Variants in RAPGEF2 observed in about 807,000 individuals in gnomAD.
RAPGEF2 encodes the protein PDZ domain containing guanine nucleotide exchange factor (GEF) 1.
Under a neutral mutation model 186.7 loss-of-function variants are expected in RAPGEF2, and 54 were observed. That is an observed-to-expected ratio of 0.29 (90% CI 0.23 to 0.36). The LOEUF (loss-of-function observed/expected upper bound fraction) is 0.36, where lower values mean the gene tolerates loss of function less well. RAPGEF2 is among the 10% of genes least tolerant of loss of function. RAPGEF2 has a pLI of 1.00. For missense variants in RAPGEF2, 1,532 were observed against 2,045.0 expected, an observed-to-expected ratio of 0.75 and a Z score of 4.84; for synonymous variants, 712 against 705.9, an observed-to-expected ratio of 1.01 and a Z score of -0.14.
chr4:159,312,766 C>T (rs546522376), intron 8 of RAPGEF2, among the ~76,000 whole-genome samples: 5 of 152,284 alleles, frequency 3.3e-5, no homozygotes, highest in Non-Finnish European at 5.9e-5. Context: ...ATTGTTAACA[C>T]ATGCTTGTAT....
At chr4:159,187,239 T>G (rs538452673) in intron 2 of RAPGEF2, among the ~76,000 whole-genome samples, 1 of 152,326 alleles carries the variant, frequency 6.6e-6, no homozygotes, top group South Asian at 2.1e-4. Context: ...TTGACATTTC[T>G]GTCATAGTTA....
intron 1 of RAPGEF2, among the ~76,000 whole-genome samples, chr4:159,136,178 G>C (rs1240731494): frequency 1.3e-5 from 2 of 152,204 alleles, no homozygotes; most frequent in Non-Finnish European, 2.9e-5. Context: ...TTTTCCTTGA[G>C]TTGTGAGAGT....
chr4:159,119,725 GT>G, intron 1 of RAPGEF2, among the ~76,000 whole-genome samples: 1 of 152,102 alleles, frequency 6.6e-6, no homozygotes, highest in East Asian at 1.9e-4. Flanking sequence ...ATACTAGTGG[GT>G]GAGCATTACG....
intron 1 of RAPGEF2, among the ~76,000 whole-genome samples, chr4:159,139,448 A>G (rs530481255): frequency 6.6e-6 from 1 of 152,206 alleles, no homozygotes; most frequent in Non-Finnish European, 1.5e-5. Context: ...CATCCTATAT[A>G]ATGTAAGACA....
chr4:159,210,433 A>G (rs1750409035), intron 3 of RAPGEF2, 67 bp from the exon 4 acceptor site: 11 of 1,055,666 alleles, frequency 1.0e-5, no homozygotes, highest in Middle Eastern at 2.0e-4. Context: ...ACTTTGTGCT[A>G]TATGTTTTAA....
At chr4:159,316,928 T>C (rs1764675850) in intron 9 of RAPGEF2, among the ~76,000 whole-genome samples, 1 of 152,200 alleles carries the variant, frequency 6.6e-6, no homozygotes, top group African/African-American at 2.4e-5. Context: ...GCAACTTCCG[T>C]TGAGAGTCAT....
intron 28 of RAPGEF2, among the ~76,000 whole-genome samples, chr4:159,354,957 C>A (rs1731753087): frequency 6.6e-6 from 1 of 152,140 alleles, no homozygotes; most frequent in African/African-American, 2.4e-5. Flanking sequence ...ACGGACATTA[C>A]TTTTATTAGT....
chr4:159,251,272 C>T (rs1258378899), intron 7 of RAPGEF2, among the ~76,000 whole-genome samples: 2 of 152,266 alleles, frequency 1.3e-5, no homozygotes, highest in East Asian at 1.9e-4. Flanking sequence ...GTCCCTTGCT[C>T]TGCAGCGCCT....
chr4:159,250,092 C>A (rs74721850), intron 7 of RAPGEF2, among the ~76,000 whole-genome samples: 8,171 of 152,176 alleles, frequency 0.054, 750 homozygotes, highest in African/African-American at 0.18. Flanking sequence ...ATTTTTAAAA[C>A]CTTACTAAAT....
At chr4:159,205,642 A>T (rs1452977745) in intron 3 of RAPGEF2, among the ~76,000 whole-genome samples, 5 of 152,142 alleles carry the variant, frequency 3.3e-5, no homozygotes, top group African/African-American at 1.2e-4. Context: ...ATGAGTGTTC[A>T]TGAGATCTGG....
intron 1 of RAPGEF2, among the ~76,000 whole-genome samples, chr4:159,126,512 C>G (rs1267227406): frequency 6.7e-6 from 1 of 149,818 alleles, no homozygotes; most frequent in East Asian, 1.9e-4. Context: ...GTCATTTATT[C>G]TATCTCCTGT....
At chr4:159,320,118 T>C (rs10025121) in intron 9 of RAPGEF2, among the ~76,000 whole-genome samples, 145 of 152,268 alleles carry the variant, frequency 9.5e-4, no homozygotes, top group African/African-American at 3.3e-3. Flanking sequence ...CTATAGGTAA[T>C]AGTATCATAG....
At chr4:159,156,521 A>G (rs1292858219) in intron 1 of RAPGEF2, among the ~76,000 whole-genome samples, 1 of 151,990 alleles carries the variant, frequency 6.6e-6, no homozygotes. Context: ...TCTAGGGTAC[A>G]TGTGCACAAT....
At chr4:159,175,381 TGA>T (rs1746354196) in intron 1 of RAPGEF2, among the ~76,000 whole-genome samples, 1 of 152,210 alleles carries the variant, frequency 6.6e-6, no homozygotes, top group Non-Finnish European at 1.5e-5. Flanking sequence ...CTCTGGGGTA[TGA>T]GTCACTCGGA....
At position 159,188,744 on chromosome 4, in the gene RAPGEF2, A is replaced by G. The variant is rs1446712108; in HGVS notation, c.140+2032A>G. Among the ~76,000 whole-genome samples the G allele has an allele frequency of 1.3e-5, 2 of 152,152 alleles. 1 individual carries two copies. Among genetic ancestry groups the G allele is most frequent in the Admixed American group, 1.3e-4 (2 of 15,276 alleles). ...TTCCATACACCCATCAGCCAGTTTCAGAACTGTCAACTTTCTGCAGCTGCA... is the reference window on the plus strand; with the variant it reads ...TTCCATACACCCATCAGCCAGTTTCGGAACTGTCAACTTTCTGCAGCTGCA... On this transcript the variant is annotated intron_variant, in intron 2 of 29. Coordinates refer to ENST00000691494, the MANE Select transcript of RAPGEF2 (RefSeq NM_001394067.2).
intron 2 of RAPGEF2, among the ~76,000 whole-genome samples, chr4:159,191,846 A>G (rs1748159095): frequency 6.6e-6 from 1 of 152,330 alleles, no homozygotes; most frequent in Admixed American, 6.5e-5. Flanking sequence ...TGTGAGGTCA[A>G]GAGAGGAGTT....
intron 4 of RAPGEF2, among the ~76,000 whole-genome samples, chr4:159,228,599 A>T (rs1174637503): frequency 1.3e-5 from 2 of 152,160 alleles, no homozygotes; most frequent in East Asian, 3.8e-4. Flanking sequence ...GATTGTTAGA[A>T]TGTTTGTAAG....
chr4:159,243,125 T>C (rs544752863), intron 6 of RAPGEF2, among the ~76,000 whole-genome samples: 2 of 150,906 alleles, frequency 1.3e-5, no homozygotes, highest in Non-Finnish European at 3.0e-5. Flanking sequence ...TTTTTTTTTT[T>C]AAGTGGATTT....
rs75647880 is a variant in RAPGEF2, at chr4:159,213,889, G to T, written c.281+3306G>T. On this transcript the variant is annotated intron_variant, in intron 4 of 29. Coordinates refer to ENST00000691494, the MANE Select transcript of RAPGEF2 (RefSeq NM_001394067.2). ...TGTGAGTTTTATTTTTAATCTACTAGAAATTTGTCAAGTTTTGAAACATTG... is the reference window on the plus strand; with the variant it reads ...TGTGAGTTTTATTTTTAATCTACTATAAATTTGTCAAGTTTTGAAACATTG... 3.3e-3 allele frequency among the ~76,000 whole-genome samples: 500 copies of T among 152,214 alleles called. 6 individuals carry two copies. The highest frequency in any genetic ancestry group is 0.012 in the African/African-American group (483 of 41,546).
Sources: gnomAD v4.1 joint callset for allele counts (sites outside exome capture counted in the v4.1 genomes callset) on GRCh38, gnomAD v4.1.1 for gene constraint, MANE v1.5 for transcripts, NCBI Gene and HGNC (gene_info 2026-07-23, HGNC 2026-07-21) for gene names.